The following COL23A1 variants were observed in gnomAD, a reference collection of about 807,000 sequenced individuals.
COL23A1 encodes the protein collagen alpha-1(XXIII) chain.
COL23A1 carries 97 observed loss-of-function variants against 99.3 expected under a neutral mutation model. That is an observed-to-expected ratio of 0.98 (90% CI 0.83 to 1.16). The LOEUF (loss-of-function observed/expected upper bound fraction) is 1.16. COL23A1 is among the 50% of genes most tolerant of loss of function. The pLI, the probability that COL23A1 is intolerant of heterozygous loss-of-function variation, is 0.00. For missense variants in COL23A1, 762 were observed against 757.4 expected (o/e 1.01, Z -0.07); for synonymous variants, 320 against 308.2 (o/e 1.04, Z -0.40).
At chr5:178,454,083 G>A (rs573509064) in intron 2 of COL23A1, among the ~76,000 whole-genome samples, 1 of 152,226 alleles carries the variant, frequency 6.6e-6, no homozygotes, top group Non-Finnish European at 1.5e-5. Context: ...GTGGAGCACA[G>A]AAACAATTAC....
intron 2 of COL23A1, among the ~76,000 whole-genome samples, chr5:178,512,500 G>C (rs894536401): frequency 6.6e-6 from 1 of 152,166 alleles, no homozygotes; most frequent in African/African-American, 2.4e-5. Context: ...AAGGGAGAGA[G>C]ACAGATACAG....
chr5:178,421,968 T>G (rs1424547721), intron 2 of COL23A1, among the ~76,000 whole-genome samples: 21 of 152,190 alleles, frequency 1.4e-4, no homozygotes, highest in Admixed American at 1.4e-3. Context: ...GGGCTGAGGC[T>G]GCCCAGGGGG....
At chr5:178,330,334 G>A (rs560742533) in intron 2 of COL23A1, among the ~76,000 whole-genome samples, 25 of 152,336 alleles carry the variant, frequency 1.6e-4, no homozygotes, top group African/African-American at 5.5e-4. Context: ...GGGTCAAGCC[G>A]TCTGAAGCCT....
At chr5:178,250,249 C>T (rs1307688063) in intron 17 of COL23A1, 144 bp from the exon 18 acceptor site, 2 of 771,342 alleles carry the variant, frequency 2.6e-6, no homozygotes, top group South Asian at 1.6e-5. Flanking sequence ...CCCACCGCCT[C>T]CTCTGTTTCC....
chr5:178,536,336 G>C (rs979296558), intron 2 of COL23A1, among the ~76,000 whole-genome samples: 1 of 152,254 alleles, frequency 6.6e-6, no homozygotes, highest in Admixed American at 6.5e-5. Context: ...GAAAGCCCCA[G>C]TGGGGCTTAG....
intron 2 of COL23A1, among the ~76,000 whole-genome samples, chr5:178,547,597 ACC>A (rs1562076774): frequency 7.8e-5 from 1 of 12,892 alleles, no homozygotes; most frequent in Non-Finnish European, 1.4e-4. Context: ...CCCCACAACC[ACC>A]CACACACACA....
At chr5:178,421,376 G>A (rs534111568) in intron 2 of COL23A1, among the ~76,000 whole-genome samples, 1 of 152,148 alleles carries the variant, frequency 6.6e-6, no homozygotes, top group Non-Finnish European at 1.5e-5. Flanking sequence ...GCCTCTCTGA[G>A]CTCATTTTCT....
chr5:178,534,714 G>A (rs537342999), intron 2 of COL23A1, among the ~76,000 whole-genome samples: 5 of 152,154 alleles, frequency 3.3e-5, no homozygotes, highest in Admixed American at 2.6e-4. Context: ...GGGAGGCGGA[G>A]GTTGCAGTGA....
At chr5:178,523,175 T>TAC (rs1760065812) in intron 2 of COL23A1, among the ~76,000 whole-genome samples, 1 of 89,684 alleles carries the variant, frequency 1.1e-5, no homozygotes, top group South Asian at 3.9e-4. Flanking sequence ...TATATATATA[T>TAC]ATACACATAT....
chr5:178,540,987 T>C (rs1761254638), intron 2 of COL23A1, among the ~76,000 whole-genome samples: 1 of 152,380 alleles, frequency 6.6e-6, no homozygotes, highest in African/African-American at 2.4e-5. Context: ...ATCTTTTTTA[T>C]TTTTAAGGGA....
chr5:178,477,511 CAA>C (rs1757095236), intron 2 of COL23A1, among the ~76,000 whole-genome samples: 1 of 152,200 alleles, frequency 6.6e-6, no homozygotes, highest in African/African-American at 2.4e-5. Flanking sequence ...AGAACGTCCT[CAA>C]AAGAGTGTCT....
intron 2 of COL23A1, among the ~76,000 whole-genome samples, chr5:178,327,123 T>C (rs953099452): frequency 6.6e-6 from 1 of 152,226 alleles, no homozygotes; most frequent in Non-Finnish European, 1.5e-5. Context: ...TCCATTAAAT[T>C]AGCAATCTTT....
intron 3 of COL23A1, among the ~76,000 whole-genome samples, chr5:178,293,952 G>A (rs1019845326): frequency 3.3e-5 from 5 of 152,062 alleles, no homozygotes; most frequent in African/African-American, 1.2e-4. Context: ...GCTTCTACGT[G>A]GCTATCAAGA....
chr5:178,534,836 G>A (rs1379609874), intron 2 of COL23A1, among the ~76,000 whole-genome samples: 2 of 152,132 alleles, frequency 1.3e-5, no homozygotes, highest in Non-Finnish European at 2.9e-5. Context: ...CCAGATTACA[G>A]TACAGGCCCT....
chr5:178,531,536 G>A lies in COL23A1; in HGVS notation c.361+29146C>T, dbSNP rs1461844736. On this transcript the variant is annotated intron_variant, in intron 2 of 28. Transcript: ENST00000390654. ...ACCCCTGAGCAGATACACCAGCCCC[G>A]GACTTTCCGCCTCTGGAATTATCAT... Among the ~76,000 whole-genome samples, 10 of 152,256 alleles carry A rather than the reference G, an allele frequency of 6.6e-5. No homozygotes were observed. In the South Asian group the frequency reaches 8.3e-4, roughly 13 times the overall value.
At chr5:178,419,429 T>C (rs780650741) in intron 2 of COL23A1, among the ~76,000 whole-genome samples, 9 of 152,182 alleles carry the variant, frequency 5.9e-5, no homozygotes, top group African/African-American at 9.7e-5. Flanking sequence ...ACTGCAAACC[T>C]GTTCTGTGCC....
intron 3 of COL23A1, among the ~76,000 whole-genome samples, chr5:178,304,835 TATA>T (rs1157462962): frequency 1.3e-5 from 2 of 152,148 alleles, no homozygotes; most frequent in East Asian, 1.9e-4. Flanking sequence ...AGCAAGTGGG[TATA>T]ATAACATATT....
chr5:178,377,413 TG>T (rs1763133325), intron 2 of COL23A1, among the ~76,000 whole-genome samples: 1 of 152,252 alleles, frequency 6.6e-6, no homozygotes, highest in Admixed American at 6.5e-5. Context: ...GCCACCCCAC[TG>T]CTTCTGGAGA....
intron 2 of COL23A1, among the ~76,000 whole-genome samples, chr5:178,409,446 T>C (rs981953405): frequency 1.3e-5 from 2 of 152,182 alleles, no homozygotes; most frequent in African/African-American, 4.8e-5. Context: ...AACATTGTCA[T>C]GGTATGATAG....
Sources: allele counts gnomAD v4.1 joint callset (sites outside exome capture counted in the v4.1 genomes callset), GRCh38; gene constraint gnomAD v4.1.1; transcripts MANE v1.5; gene names NCBI Gene and HGNC (gene_info 2026-07-23, HGNC 2026-07-21).